PTPRT: variants seen among roughly 807,000 people sequenced by gnomAD.
PTPRT encodes protein tyrosine phosphatase receptor type T.
Under a neutral mutation model 176.8 loss-of-function variants are expected in PTPRT, and 56 were observed. The ratio of observed to expected loss-of-function variants is 0.32; its 90% CI spans 0.26 to 0.40. PTPRT has a LOEUF of 0.40. Among genes scored for constraint, PTPRT ranks in the 10% least tolerant of loss-of-function variants. The pLI, the probability that PTPRT is intolerant of heterozygous loss-of-function variation, is 1.00. For missense variants in PTPRT, 1,540 were observed against 1,908.2 expected (o/e 0.81, Z 3.60); for synonymous variants, 783 against 739.0 (o/e 1.06, Z -0.96).
chr20:43,173,225 A>G (rs1178730352), intron 1 of PTPRT, among the ~76,000 whole-genome samples: 3 of 152,210 alleles, frequency 2.0e-5, no homozygotes, highest in Non-Finnish European at 2.9e-5. Context: ...AAGAACTACC[A>G]AAAGGGCATG....
chr20:42,392,598 G>C (rs2058810515), intron 9 of PTPRT, among the ~76,000 whole-genome samples: 1 of 152,168 alleles, frequency 6.6e-6, no homozygotes, highest in Admixed American at 6.5e-5. Context: ...TCCTAGAAAA[G>C]ATTGCAACAT....
In PTPRT at chr20:42,085,713, C is replaced by T. The variant is rs575691285; in HGVS notation, c.3972+15G>A. 2.3e-5 allele frequency: 37 copies of T among 1,612,950 alleles called. No homozygotes were observed. The East Asian group carries it at 3.3e-4, about 15-fold the overall frequency. The stretch of plus-strand genomic sequence containing the variant: ...GGAGGAGGGGCTCAGCAAGCAATGG[C>T]GGCCGTGTACTTACCCGGGCCATGT... On this transcript the variant is annotated intron_variant, in intron 28 of 30. Transcript: ENST00000373187.
chr20:42,607,290 G>A (rs2073896074), intron 7 of PTPRT: 1 of 152,098 alleles, frequency 6.6e-6, no homozygotes, highest in African/African-American at 2.4e-5. Context: ...CATTATCAAT[G>A]TATTTAACGC....
chr20:42,414,212 G>C (rs1356953167), intron 9 of PTPRT, among the ~76,000 whole-genome samples: 1 of 152,178 alleles, frequency 6.6e-6, no homozygotes, highest in Non-Finnish European at 1.5e-5. Context: ...ATATTGACAA[G>C]GGTTTTAAGA....
At chr20:42,883,628 T>A (rs1052843963) in intron 2 of PTPRT, among the ~76,000 whole-genome samples, 1 of 57,336 alleles carries the variant, frequency 1.7e-5, no homozygotes. Context: ...CACACACCCA[T>A]ACACATGCAT....
At chr20:42,598,305 T>C (rs1003386083) in intron 7 of PTPRT, among the ~76,000 whole-genome samples, 21 of 152,214 alleles carry the variant, frequency 1.4e-4, no homozygotes, top group African/African-American at 5.1e-4. Context: ...TCTTCAGGTA[T>C]GGGAATAGAT....
chr20:43,092,643 G>A (rs2011929187), intron 1 of PTPRT, among the ~76,000 whole-genome samples: 1 of 152,190 alleles, frequency 6.6e-6, no homozygotes, highest in South Asian at 2.1e-4. Flanking sequence ...AAGTGAAAGT[G>A]ATATCTCACT....
intron 12 of PTPRT, among the ~76,000 whole-genome samples, chr20:42,312,395 GA>G (rs1393474744): frequency 6.6e-6 from 1 of 152,156 alleles, no homozygotes; most frequent in Non-Finnish European, 1.5e-5. Context: ...TTATGATATG[GA>G]AAAATTTGAG....
intron 18 of PTPRT, among the ~76,000 whole-genome samples, chr20:42,131,289 CCT>C (rs1298317796): frequency 6.6e-6 from 1 of 152,148 alleles, no homozygotes; most frequent in African/African-American, 2.4e-5. Flanking sequence ...GGGCATCAAG[CCT>C]CTGTTACCAG....
chr20:42,947,585 T>C (rs1980962501), intron 1 of PTPRT, among the ~76,000 whole-genome samples: 1 of 152,158 alleles, frequency 6.6e-6, no homozygotes, highest in South Asian at 2.1e-4. Flanking sequence ...GAACAAAATA[T>C]ACACAATAAG....
At chr20:43,071,853 G>A (rs1387524635) in intron 1 of PTPRT, among the ~76,000 whole-genome samples, 1 of 152,252 alleles carries the variant, frequency 6.6e-6, no homozygotes, top group East Asian at 1.9e-4. Context: ...AGCACCTCTT[G>A]AAAACGGCTT....
chr20:42,860,913 T>C (rs1478289168), intron 2 of PTPRT, among the ~76,000 whole-genome samples: 2 of 152,218 alleles, frequency 1.3e-5, no homozygotes, highest in Non-Finnish European at 2.9e-5. Context: ...ATTTTTAGGA[T>C]ATCAGTTGTT....
chr20:42,840,774 T>C (rs2078264404), intron 2 of PTPRT, among the ~76,000 whole-genome samples: 1 of 152,154 alleles, frequency 6.6e-6, no homozygotes, highest in Non-Finnish European at 1.5e-5. Context: ...TGCCTGTTCC[T>C]GCAACCCCTC....
intron 8 of PTPRT, among the ~76,000 whole-genome samples, chr20:42,449,779 A>G (rs896734992): frequency 2.6e-5 from 4 of 152,218 alleles, no homozygotes; most frequent in African/African-American, 9.7e-5. Flanking sequence ...AAATTAAAAT[A>G]TGTTTAGTTT....
chr20:42,634,025 ATAT>A (rs2074515379), intron 7 of PTPRT, among the ~76,000 whole-genome samples: 2 of 26,182 alleles, frequency 7.6e-5, no homozygotes, highest in African/African-American at 4.2e-4. Context: ...TATATATAAT[ATAT>A]ATATTATATA....
chr20:42,292,307 T>A (rs898526997), intron 12 of PTPRT, among the ~76,000 whole-genome samples: 1 of 151,576 alleles, frequency 6.6e-6, no homozygotes, highest in South Asian at 2.1e-4. Flanking sequence ...ACTAAGAATT[T>A]TTTTTTTTTT....
intron 21 of PTPRT, chr20:42,116,238 A>C (rs1187776754): frequency 1.6e-6 from 1 of 613,662 alleles, no homozygotes; most frequent in African/African-American, 1.8e-5. Context: ...TTCTCATGCT[A>C]GTGCTAATGT....
At chr20:42,490,968 A>T (rs1320472772) in intron 7 of PTPRT, among the ~76,000 whole-genome samples, 1 of 152,140 alleles carries the variant, frequency 6.6e-6, no homozygotes, top group Admixed American at 6.6e-5. Context: ...AGTTTGGGGT[A>T]ATTATAAGTA....
At chr20:42,044,390 C>T in the PTPRT span, among the ~76,000 whole-genome samples, 31,400 of 152,242 alleles carry the variant, frequency 0.21, 4,111 homozygotes, top group Non-Finnish European at 0.29. Context: ...GGCCCAGGCT[C>T]ATTCTGGTTT....
Sources: gnomAD v4.1 joint callset for allele counts (sites outside exome capture counted in the v4.1 genomes callset) on GRCh38, gnomAD v4.1.1 for gene constraint, MANE v1.5 for transcripts, NCBI Gene and HGNC (gene_info 2026-07-23, HGNC 2026-07-21) for gene names.